Variants in YEATS2 observed in about 807,000 individuals in gnomAD.
The protein encoded by YEATS2 is YEATS domain-containing protein 2.
In YEATS2, 77 loss-of-function variants were observed where a neutral mutation model predicts 163.2. The ratio of observed to expected loss-of-function variants is 0.47; its 90% CI spans 0.39 to 0.57. YEATS2 has a LOEUF of 0.57. Ranked by LOEUF, YEATS2 falls within the 20% of genes least tolerant of loss-of-function variation. YEATS2 has a pLI of 0.00. For synonymous variants in YEATS2, 631 were observed against 645.1 expected, an observed-to-expected ratio of 0.98 and a Z score of 0.33; for missense variants, 1,549 against 1,729.8, an observed-to-expected ratio of 0.90 and a Z score of 1.85.
At chr3:183,703,243 A>G (rs891400910) in intron 1 of YEATS2, among the ~76,000 whole-genome samples, 1 of 152,196 alleles carries the variant, frequency 6.6e-6, no homozygotes, top group African/African-American at 2.4e-5. Flanking sequence ...TTTACTTAAA[A>G]GATCTGTTTT....
rs34759333 is a variant in YEATS2, at chr3:183,758,910, C to T, written c.1601C>T (p.Thr534Ile). The change falls in exon 13 of 31, where the codon ACA (threonine) becomes ATA (isoleucine). Residue 534 changes from threonine to isoleucine, a missense_variant. Physicochemically the swap from Thr to Ile is moderately conservative, Grantham distance 89. Transcript: ENST00000305135. ...ACGGCTTCTCAGGTCTCCCAAGGAA[C>T]AGGTTCCCCTGTTCCTAAAATTCAT... is the stretch of plus-strand genomic sequence containing the variant. ...ISTASQVSQG[T>I]GSPVPKIHGS... is the part of the protein sequence containing the mutation. 3 of 1,596,040 alleles carry T rather than the reference C, an allele frequency of 1.9e-6. No individual in the cohort carries two copies. Among genetic ancestry groups the T allele is most frequent in the Non-Finnish European group, 2.6e-6 (3 of 1,174,746 alleles).
At chr3:183,793,995 G>C (rs754223359) in intron 21 of YEATS2, among the ~76,000 whole-genome samples, 2 of 152,188 alleles carry the variant, frequency 1.3e-5, no homozygotes, top group African/African-American at 4.8e-5. Flanking sequence ...ATCGTAAACT[G>C]CATTAAACTT....
chr3:183,725,181 C>T (rs954542010), intron 6 of YEATS2, among the ~76,000 whole-genome samples: 41 of 151,446 alleles, frequency 2.7e-4, no homozygotes, highest in African/African-American at 9.2e-4. Flanking sequence ...TTGCCTTGCA[C>T]AGTATCCACA....
chr3:183,754,613 G>C (rs1004730374), intron 11 of YEATS2, among the ~76,000 whole-genome samples: 2 of 152,184 alleles, frequency 1.3e-5, no homozygotes, highest in African/African-American at 2.4e-5. Context: ...GCCAGAATCA[G>C]CACAGGTAAA....
intron 20 of YEATS2, among the ~76,000 whole-genome samples, chr3:183,789,239 A>G (rs1012035097): frequency 1.4e-4 from 22 of 152,102 alleles, no homozygotes; most frequent in Non-Finnish European, 2.8e-4. Flanking sequence ...GTTTTCTTGT[A>G]GTAGTTTCGT....
rs768031640 is a variant in YEATS2 at position 183,786,289 on chromosome 3, T to A, written c.2901T>A (p.Gly967=). 3 of 1,610,900 alleles carry A rather than the reference T, an allele frequency of 1.9e-6. No homozygotes were observed. The East Asian group carries it at 6.7e-5, about 36-fold the overall frequency. Residue 967 remains glycine (G), a synonymous_variant, in exon 20 of 31, where the codon GGT becomes GGA. Transcript: ENST00000305135. The part of the protein sequence containing the change: ...TSPAVALSAN[G]PAQQSEGMAP... ...CTGCCGTGGCCCTCTCAGCAAACGGTCCTGCACAACAGGTGAGAAATAGCA... is the reference window on the plus strand; with the variant it reads ...CTGCCGTGGCCCTCTCAGCAAACGGACCTGCACAACAGGTGAGAAATAGCA...
intron 9 of YEATS2, 69 bp downstream of exon 9, chr3:183,747,785 T>C (rs1284497627): frequency 1.3e-6 from 2 of 1,494,732 alleles, no homozygotes; most frequent in African/African-American, 2.8e-5. Context: ...TTTTTGTTTG[T>C]TTGTTTGTTT....
intron 8 of YEATS2, among the ~76,000 whole-genome samples, chr3:183,747,458 A>G (rs1400098004): frequency 6.6e-6 from 1 of 152,022 alleles, no homozygotes; most frequent in Non-Finnish European, 1.5e-5. Flanking sequence ...TTAAAATTAT[A>G]ATTTATATTA....
chr3:183,700,180 C>G (rs1291270835), intron 1 of YEATS2, among the ~76,000 whole-genome samples: 1 of 152,098 alleles, frequency 6.6e-6, no homozygotes, highest in Non-Finnish European at 1.5e-5. Context: ...GCTTGACATA[C>G]AGCATGCAGA....
intron 5 of YEATS2, among the ~76,000 whole-genome samples, chr3:183,723,805 G>A (rs923425450): frequency 2.0e-5 from 3 of 151,610 alleles, no homozygotes; most frequent in African/African-American, 4.9e-5. Flanking sequence ...CCATCTACTC[G>A]AGAGGCTGAG....
At chr3:183,749,852 C>T (rs1460438088) in intron 9 of YEATS2, among the ~76,000 whole-genome samples, 1 of 152,110 alleles carries the variant, frequency 6.6e-6, no homozygotes, top group Admixed American at 6.6e-5. Flanking sequence ...GAGTCTCGCT[C>T]TGTTGCCCAG....
At chr3:183,736,595 G>A (rs904995510) in intron 7 of YEATS2, 123 bp from the exon 8 acceptor site, 5 of 669,146 alleles carry the variant, frequency 7.5e-6, no homozygotes, top group African/African-American at 7.4e-5. Flanking sequence ...AGTTTTAAAC[G>A]AGGAAATCTA....
At chr3:183,781,609 A>G (rs1480088584) in intron 19 of YEATS2, among the ~76,000 whole-genome samples, 1 of 152,154 alleles carries the variant, frequency 6.6e-6, no homozygotes, top group Non-Finnish European at 1.5e-5. Context: ...AACAACCCAA[A>G]CCAGGCTCAA....
At position 183,754,113 on chromosome 3, in the gene YEATS2, T is replaced by C; in HGVS notation, c.1151-13T>C. ...ATTGATGACTTGCCGTTTGCCTCTT[T>C]CATCTCAAGCAGGATTCCCAGCTAG... On this transcript the variant is annotated splice_polypyrimidine_tract_variant and intron_variant, in intron 10 of 30. Coordinates refer to ENST00000305135, the MANE Select transcript of YEATS2 (RefSeq NM_018023.5). 5 of 1,529,442 alleles carry C rather than the reference T, an allele frequency of 3.3e-6. No homozygotes were observed. 94.7% of individuals were successfully genotyped at this position (1,529,442 alleles called of 1,614,324 possible).
At position 183,810,637 on chromosome 3, in the gene YEATS2, C is replaced by T; in HGVS notation, c.*54C>T. The T allele has an allele frequency of 6.6e-7, 1 of 1,523,546 alleles. No individual in the cohort carries two copies. Among genetic ancestry groups the T allele is most frequent in the Non-Finnish European group, 9.1e-7 (1 of 1,102,700 alleles). The allele number at this position is 1,523,546 out of a possible 1,614,324, so 94.4% of individuals were successfully genotyped here. ...CTTTGAAGGCACAGCGAAGCTGTAACTGAGGACCCTGCTGCTCGGGAAGGA... is the reference window on the plus strand; with the variant it reads ...CTTTGAAGGCACAGCGAAGCTGTAATTGAGGACCCTGCTGCTCGGGAAGGA... On this transcript the variant is annotated 3_prime_UTR_variant, in exon 31 of 31. Coordinates refer to ENST00000305135, the MANE Select transcript of YEATS2 (RefSeq NM_018023.5).
chr3:183,802,487 A>ATGTGTGTGTGTG (rs10663581), intron 25 of YEATS2: 6 of 145,322 alleles, frequency 4.1e-5, no homozygotes, highest in African/African-American at 1.3e-4. Context: ...TCTCTTATAT[A>ATGTGTGTGTGTG]TGTGTGTGTG....
chr3:183,756,451 C>T, intron 11 of YEATS2, 77 bp from the exon 12 acceptor site: 25 of 1,390,758 alleles, frequency 1.8e-5, no homozygotes, highest in Non-Finnish European at 2.4e-5. Context: ...CACTGACCTT[C>T]TTCCTTGTCC....
intron 20 of YEATS2, among the ~76,000 whole-genome samples, chr3:183,790,058 C>A (rs978002080): frequency 6.6e-6 from 1 of 152,216 alleles, no homozygotes; most frequent in Non-Finnish European, 1.5e-5. Context: ...TGCTTTGCAG[C>A]TTCTTGAACA....
intron 11 of YEATS2, among the ~76,000 whole-genome samples, chr3:183,755,741 C>CTTTTTTTTTTTTTTTTTTTTTTTTTTTTT (rs57050296): frequency 1.2e-5 from 1 of 82,220 alleles, no homozygotes; most frequent in African/African-American, 6.0e-5. Context: ...TCCTTCCTTT[C>CTTTTTTTTTTTTTTTTTTTTTTTTTTTTT]TTTTTTTTTT....
Sources: allele counts gnomAD v4.1 joint callset (sites outside exome capture counted in the v4.1 genomes callset), GRCh38; gene constraint gnomAD v4.1.1; transcripts MANE v1.5; gene names NCBI Gene and HGNC (gene_info 2026-07-23, HGNC 2026-07-21).